The following FOXP2 variants were observed in gnomAD, a reference collection of about 807,000 sequenced individuals.
The protein encoded by FOXP2 is forkhead box protein P2.
A neutral mutation model predicts 115.8 loss-of-function variants in FOXP2; 12 were observed. The ratio of observed to expected loss-of-function variants is 0.10; its 90% CI spans 0.07 to 0.17. The LOEUF (loss-of-function observed/expected upper bound fraction) is 0.17. FOXP2 is among the 10% of genes least tolerant of loss of function. The pLI, the probability that FOXP2 is intolerant of heterozygous loss-of-function variation, is 1.00. For missense variants in FOXP2, 629 were observed against 843.5 expected, an observed-to-expected ratio of 0.75 and a Z score of 3.15; for synonymous variants, 328 against 297.7, an observed-to-expected ratio of 1.10 and a Z score of -1.05.
intron 1 of FOXP2, among the ~76,000 whole-genome samples, chr7:114,108,957 A>T (rs182581555): frequency 6.6e-6 from 1 of 151,998 alleles, no homozygotes; most frequent in African/African-American, 2.4e-5. Context: ...CATTTAACAT[A>T]TGAAACACTC....
At chr7:114,292,002 A>ATATATAGAATGTATAGAATATATATGT (rs1562857033) in intron 2 of FOXP2, among the ~76,000 whole-genome samples, 4 of 130,794 alleles carry the variant, frequency 3.1e-5, no homozygotes, top group African/African-American at 1.5e-4. Context: ...ATTATAGATA[A>ATATATAGAATGTATAGAATATATATGT]TATATAGATA....
chr7:114,580,503 G>A (rs939819879), intron 3 of FOXP2, among the ~76,000 whole-genome samples: 8 of 152,048 alleles, frequency 5.3e-5, no homozygotes, highest in East Asian at 1.9e-4. Context: ...GTTTGAACCC[G>A]GGAGGCAGAG....
chr7:114,476,444 A>G (rs921467522), intron 2 of FOXP2, among the ~76,000 whole-genome samples: 5 of 151,908 alleles, frequency 3.3e-5, no homozygotes, highest in Non-Finnish European at 7.4e-5. Flanking sequence ...GTGCAGCATT[A>G]TTTCTGAGTT....
intron 1 of FOXP2, among the ~76,000 whole-genome samples, chr7:114,272,300 A>C (rs778288378): frequency 4.0e-5 from 6 of 151,282 alleles, no homozygotes; most frequent in Non-Finnish European, 7.4e-5. Context: ...TTTGTTGAAG[A>C]TTTTTGCAAT....
intron 2 of FOXP2, among the ~76,000 whole-genome samples, chr7:114,406,860 A>G (rs1045332294): frequency 1.3e-5 from 2 of 151,994 alleles, no homozygotes; most frequent in Non-Finnish European, 2.9e-5. Flanking sequence ...GCTACAGTAC[A>G]GTATATTTTC....
chr7:114,529,491 G>C (rs1490611698), intron 2 of FOXP2, among the ~76,000 whole-genome samples: 2 of 151,706 alleles, frequency 1.3e-5, no homozygotes, highest in Non-Finnish European at 3.0e-5. Context: ...TCTTATTATA[G>C]TGTAGTATTA....
At chr7:114,656,313 GTT>G (rs35841155) in intron 10 of FOXP2, 172 of 182,866 alleles carry the variant, frequency 9.4e-4, no homozygotes, top group African/African-American at 3.6e-3. Flanking sequence ...ATCCAGCTGA[GTT>G]TTTTTTTTTT....
chr7:114,535,004 A>G (rs1213193743), intron 3 of FOXP2, among the ~76,000 whole-genome samples: 1 of 151,782 alleles, frequency 6.6e-6, no homozygotes, highest in Non-Finnish European at 1.5e-5. Flanking sequence ...TTATTCATAC[A>G]TAGGTTGAAA....
At chr7:114,321,374 A>G (rs950334378) in intron 2 of FOXP2, among the ~76,000 whole-genome samples, 1 of 151,634 alleles carries the variant, frequency 6.6e-6, no homozygotes, top group South Asian at 2.1e-4. Flanking sequence ...AATTTTTTGT[A>G]TTTTTAGTAG....
intron 1 of FOXP2, among the ~76,000 whole-genome samples, chr7:114,249,695 A>C (rs2129169172): frequency 6.6e-6 from 1 of 152,242 alleles, no homozygotes; most frequent in East Asian, 1.9e-4. Context: ...GTATCTTTAT[A>C]ATAGAATGAT....
chr7:114,397,725 T>C (rs925035340), intron 2 of FOXP2, among the ~76,000 whole-genome samples: 1 of 152,208 alleles, frequency 6.6e-6, no homozygotes, highest in African/African-American at 2.4e-5. Flanking sequence ...CCATGGGTTC[T>C]TGGTACAGTG....
chr7:114,382,750 G>A (rs1439717675), intron 2 of FOXP2, among the ~76,000 whole-genome samples: 1 of 152,190 alleles, frequency 6.6e-6, no homozygotes, highest in Non-Finnish European at 1.5e-5. Flanking sequence ...CTAACTGAGT[G>A]ATAAACTTAT....
At chr7:114,259,826 G>T (rs2129171043) in intron 1 of FOXP2, among the ~76,000 whole-genome samples, 1 of 152,214 alleles carries the variant, frequency 6.6e-6, no homozygotes, top group Admixed American at 6.5e-5. Flanking sequence ...ATTTTAGAAA[G>T]ATTTCTCTCT....
chr7:114,357,683 T>A (rs1030243353), intron 2 of FOXP2, among the ~76,000 whole-genome samples: 4 of 152,180 alleles, frequency 2.6e-5, no homozygotes, highest in Admixed American at 6.5e-5. Flanking sequence ...CTAGGATGTA[T>A]GGTATCCTAA....
chr7:114,390,082 G>A (rs1278592287), intron 2 of FOXP2, among the ~76,000 whole-genome samples: 1 of 147,388 alleles, frequency 6.8e-6, no homozygotes. Flanking sequence ...GACAGTGAAA[G>A]GTTTTCTGTG....
intron 2 of FOXP2, among the ~76,000 whole-genome samples, chr7:114,472,721 A>G (rs910745680): frequency 6.6e-6 from 1 of 152,138 alleles, no homozygotes; most frequent in Non-Finnish European, 1.5e-5. Flanking sequence ...GTCTTTACAA[A>G]TTTACTGCTT....
At chr7:114,555,750 A>G (rs1159132635) in intron 3 of FOXP2, among the ~76,000 whole-genome samples, 3 of 152,062 alleles carry the variant, frequency 2.0e-5, no homozygotes, top group Non-Finnish European at 4.4e-5. Flanking sequence ...TGAGCCAAGA[A>G]TACACCACTG....
intron 3 of FOXP2, among the ~76,000 whole-genome samples, chr7:114,566,942 AT>A (rs1473255118): frequency 6.6e-6 from 1 of 151,864 alleles, no homozygotes; most frequent in African/African-American, 2.4e-5. Context: ...AAAAAATATT[AT>A]TTTTCTTACA....
intron 1 of FOXP2, among the ~76,000 whole-genome samples, chr7:114,139,020 C>T (rs1792129011): frequency 6.6e-6 from 1 of 151,996 alleles, no homozygotes; most frequent in African/African-American, 2.4e-5. Context: ...TGTAGTTTTA[C>T]ATTTAACATT....
Sources: gnomAD v4.1 joint callset for allele counts (sites outside exome capture counted in the v4.1 genomes callset) on GRCh38, gnomAD v4.1.1 for gene constraint, MANE v1.5 for transcripts, NCBI Gene and HGNC (gene_info 2026-07-23, HGNC 2026-07-21) for gene names.